The following PRDM10 variants were observed in gnomAD, a reference collection of about 807,000 sequenced individuals.
The protein encoded by PRDM10 is PR/SET domain 10, also known as PR domain zinc finger protein 10.
A neutral mutation model predicts 133.1 loss-of-function variants in PRDM10; 65 were observed. That is an observed-to-expected ratio of 0.49 (90% CI 0.40 to 0.60). The LOEUF (loss-of-function observed/expected upper bound fraction) is 0.60. PRDM10 is among the 20% of genes least tolerant of loss of function. The pLI is 0.00. For synonymous variants in PRDM10, 582 were observed against 580.4 expected (o/e 1.00, Z -0.04); for missense variants, 1,137 against 1,507.1 (o/e 0.75, Z 4.07).
intron 4 of PRDM10, among the ~76,000 whole-genome samples, chr11:129,955,203 CA>C (rs954814603): frequency 6.6e-6 from 1 of 151,472 alleles, no homozygotes; most frequent in Admixed American, 6.6e-5. Flanking sequence ...TATCAATTTC[CA>C]AAAAAAGAGA....
Position 129,914,212 on chromosome 11 carries a change from G to A in PRDM10, c.2841+492C>T, listed in dbSNP as rs548200679. ...AGACGAGATTTTGCCATGTTGGCCA[G>A]GCTGGTCTCGAACTCCTGACCTCAA... On this transcript the variant is annotated intron_variant, in intron 17 of 20. Coordinates refer to ENST00000360871, the MANE Select transcript of PRDM10 (RefSeq NM_199437.2). 5.3e-5 allele frequency among the ~76,000 whole-genome samples: 8 copies of A among 152,272 alleles called. No individual in the cohort carries two copies. The East Asian group carries it at 1.5e-3, about 29-fold the overall frequency.
At position 129,947,188 on chromosome 11, in the gene PRDM10, G is replaced by T. The variant is rs1260372700; in HGVS notation, c.477C>A (p.Asp159Glu). The T allele has an allele frequency of 2.5e-6, 4 of 1,614,178 alleles. No homozygotes were observed. The highest frequency in any genetic ancestry group is 2.5e-6 in the Non-Finnish European group (3 of 1,180,028). Residue 159 changes from aspartate (D) to glutamate (E), a missense_variant, in exon 5 of 21, where the codon GAC (aspartate) becomes GAA (glutamate). This residue lies in a region of PRDM10 where 635 missense variants were observed against 835.2 expected (regional missense o/e 0.76). Coordinates refer to ENST00000360871, the MANE Select transcript of PRDM10 (RefSeq NM_199437.2). The surrounding 1 kb of genome is among the most constrained non-coding windows in gnomAD (Gnocchi z 4.6). Reference protein sequence around the residue: ...EEDGEDTDLDDWEPDPPRPFD... With the variant: ...EEDGEDTDLDEWEPDPPRPFD... Reference sequence around the variant, plus strand: ...AGGGCCGGGGCGGGTCTGGCTCCCAGTCATCCAGATCCGTGTCCTCACCGT... The same window carrying T: ...AGGGCCGGGGCGGGTCTGGCTCCCATTCATCCAGATCCGTGTCCTCACCGT...
intron 1 of PRDM10, among the ~76,000 whole-genome samples, chr11:129,990,522 CAAAAAA>C (rs59217112): frequency 4.8e-4 from 32 of 67,108 alleles, no homozygotes; most frequent in Middle Eastern, 8.2e-3. Context: ...ACTTTGTCTC[CAAAAAA>C]AAAAAAAAAA....
At chr11:129,989,629 C>T (rs1331204661) in intron 1 of PRDM10, among the ~76,000 whole-genome samples, 1 of 152,094 alleles carries the variant, frequency 6.6e-6, no homozygotes, top group African/African-American at 2.4e-5. Context: ...ATCACAAACC[C>T]AAGTTGTTAG....
chr11:129,932,009 C>A, intron 10 of PRDM10, 93 bp downstream of exon 10: 1 of 1,432,156 alleles, frequency 7.0e-7, no homozygotes, highest in Non-Finnish European at 9.5e-7. Flanking sequence ...GGTCTACAAA[C>A]ATTGGGAAGG....
chr11:129,938,568 A>G (rs1423587316), intron 7 of PRDM10, among the ~76,000 whole-genome samples: 1 of 152,192 alleles, frequency 6.6e-6, no homozygotes, highest in Non-Finnish European at 1.5e-5. Context: ...CTGGATGGCC[A>G]CTTGGCCTTC....
intron 1 of PRDM10, among the ~76,000 whole-genome samples, chr11:129,995,671 G>A (rs1416433179): frequency 6.6e-6 from 1 of 151,932 alleles, no homozygotes; most frequent in Non-Finnish European, 1.5e-5. Context: ...GAGGGGCAGG[G>A]GCCGTAGCGC....
intron 1 of PRDM10, among the ~76,000 whole-genome samples, chr11:129,989,945 G>A (rs186920611): frequency 6.6e-6 from 1 of 152,152 alleles, no homozygotes; most frequent in South Asian, 2.1e-4. Context: ...GCTCATGCCT[G>A]TAATCCCAGC....
intron 7 of PRDM10, 67 bp from the exon 8 acceptor site, chr11:129,937,737 A>C: frequency 7.2e-7 from 1 of 1,391,926 alleles, no homozygotes; most frequent in Non-Finnish European, 1.0e-6. Flanking sequence ...TGCTTAAATT[A>C]TTTCTCCTGC....
chr11:129,912,574 A>C (rs934657055), intron 17 of PRDM10, among the ~76,000 whole-genome samples: 1 of 151,696 alleles, frequency 6.6e-6, no homozygotes, highest in Non-Finnish European at 1.5e-5. Flanking sequence ...ACATGGTGAA[A>C]CCCCGTCTCT....
At position 129,925,215 on chromosome 11, in the gene PRDM10, C is replaced by T; in HGVS notation, c.1545G>A (p.Gln515=). The change falls in exon 12 of 21, where the codon CAG becomes CAA. Residue 515 remains glutamine, a synonymous_variant. Transcript: ENST00000360871. ...RAKRIRNAAL[Q]HLFIRKSFRP... is the part of the protein sequence containing the mutation. ...GGAAGGACTTCCGAATAAACAGATG[C>T]TGAAGAGCTGCATTCTGAAAGACAT... 6.2e-7 allele frequency: 1 copy of T among 1,608,450 alleles called. No homozygotes were observed. Among genetic ancestry groups the T allele is most frequent in the Non-Finnish European group, 8.5e-7 (1 of 1,177,628 alleles).
chr11:129,975,225 G>A (rs1488843043), intron 1 of PRDM10, among the ~76,000 whole-genome samples: 4 of 152,078 alleles, frequency 2.6e-5, no homozygotes, highest in African/African-American at 4.8e-5. Context: ...TCAGGAGTTC[G>A]AGACCAGCCT....
chr11:129,939,390 ATAATT>A (rs1329711761), intron 7 of PRDM10, among the ~76,000 whole-genome samples: 2 of 152,252 alleles, frequency 1.3e-5, no homozygotes, highest in East Asian at 3.8e-4. Flanking sequence ...TCTGTATTCT[ATAATT>A]TAATTAACTA....
intron 4 of PRDM10, among the ~76,000 whole-genome samples, chr11:129,949,433 A>T (rs1951521175): frequency 6.6e-6 from 1 of 152,230 alleles, no homozygotes; most frequent in African/African-American, 2.4e-5. Context: ...GACCATGATG[A>T]TATCATATAC....
intron 7 of PRDM10, among the ~76,000 whole-genome samples, chr11:129,942,018 C>T (rs543087378): frequency 6.6e-6 from 1 of 152,276 alleles, no homozygotes; most frequent in Admixed American, 6.5e-5. Context: ...GCCTCAGCTT[C>T]ACAAGTAGCT....
rs185263969 is a variant in PRDM10, at chr11:129,948,303, A to G, written c.295-933T>C. On this transcript the variant is annotated intron_variant, in intron 4 of 20. Coordinates refer to ENST00000360871, the MANE Select transcript of PRDM10 (RefSeq NM_199437.2). ...ATTAGCACAAGGTCATACTCAAGCC[A>G]TGTCCTATTCAATAAATAAAGCAAG... 3.5e-3 allele frequency among the ~76,000 whole-genome samples: 532 copies of G among 152,314 alleles called. 2 individuals carry two copies. Among genetic ancestry groups the G allele is most frequent in the African/African-American group, 0.012 (500 of 41,562 alleles).
chr11:129,923,608 C>G lies in PRDM10; in HGVS notation c.1879-205G>C, dbSNP rs1313552119. Among the ~76,000 whole-genome samples the G allele has an allele frequency of 7.2e-6, 1 of 138,036 alleles. No individual in the cohort carries two copies. Among genetic ancestry groups the G allele is most frequent in the Admixed American group, 8.0e-5 (1 of 12,472 alleles). 90.6% of individuals were successfully genotyped at this position (138,036 alleles called of 152,430 possible). A position where few individuals can be genotyped will look rare whatever the true frequency, so the allele number is the denominator to read the frequency against. ...GAAATAAAACAAGTAGCCAGAAAGC[C>G]TTAGAAATCCGAACCTCCCCGATGA... On this transcript the variant is annotated intron_variant, in intron 12 of 20. Coordinates refer to ENST00000360871, the MANE Select transcript of PRDM10 (RefSeq NM_199437.2). This position sits in a 1 kb window ranked among gnomAD's most constrained non-coding sequence, Gnocchi z 4.4.
chr11:129,914,222 G>A (rs527764908), intron 17 of PRDM10, among the ~76,000 whole-genome samples: 2 of 152,252 alleles, frequency 1.3e-5, no homozygotes, highest in South Asian at 2.1e-4. Context: ...GGCTGGTCTC[G>A]AACTCCTGAC....
At position 129,923,285 on chromosome 11, in the gene PRDM10, T is replaced by C; in HGVS notation, c.1997A>G (p.Lys666Arg). The C allele has an allele frequency of 6.3e-7, 1 of 1,597,048 alleles. No individual in the cohort carries two copies. Among genetic ancestry groups the C allele is most frequent in the Non-Finnish European group, 8.5e-7 (1 of 1,171,088 alleles). The change falls in exon 13 of 21, where the codon AAA (lysine) becomes AGA (arginine). Residue 666 changes from lysine to arginine, a missense_variant. Physicochemically the swap from Lys to Arg is conservative, Grantham distance 26. This residue lies in a region of PRDM10 where 78 missense variants were observed against 96.4 expected (regional missense o/e 0.81). Transcript: ENST00000360871. The surrounding 1 kb of genome is among the most constrained non-coding windows in gnomAD (Gnocchi z 4.4). ...CCCACAGGTGGAACACAGGAAGTCT[T>C]TGCGGTCCGAATGCCGGAGCATGTG... is the stretch of plus-strand genomic sequence containing the variant. ...RLHMLRHSDR[K>R]DFLCSTCGKQ...
Sources: allele counts gnomAD v4.1 joint callset (sites outside exome capture counted in the v4.1 genomes callset), GRCh38; gene constraint gnomAD v4.1.1; regional missense constraint gnomAD v4.1.1; non-coding constraint Gnocchi (gnomAD v3.1); transcripts MANE v1.5; gene names NCBI Gene and HGNC (gene_info 2026-07-23, HGNC 2026-07-21).